MAGI2: variants seen among roughly 807,000 people sequenced by gnomAD.
The protein encoded by MAGI2 is membrane-associated guanylate kinase, WW and PDZ domain-containing protein 2.
A neutral mutation model predicts 133.3 loss-of-function variants in MAGI2; 35 were observed. The ratio of observed to expected loss-of-function variants is 0.26; its 90% CI spans 0.20 to 0.35. The LOEUF is 0.35. Ranked by LOEUF, MAGI2 falls within the 10% of genes least tolerant of loss-of-function variation. The pLI, the probability that MAGI2 is intolerant of heterozygous loss-of-function variation, is 1.00. For synonymous variants in MAGI2, 729 were observed against 710.6 expected (o/e 1.03, Z -0.41); for missense variants, 1,636 against 1,863.4 (o/e 0.88, Z 2.25).
chr7:78,645,008 C>A (rs186094164), intron 2 of MAGI2, among the ~76,000 whole-genome samples: 4 of 152,034 alleles, frequency 2.6e-5, no homozygotes, highest in Admixed American at 2.6e-4. Flanking sequence ...TATTTGACAA[C>A]TTAGATGAAA....
chr7:78,296,409 C>G (rs549849067), intron 9 of MAGI2, among the ~76,000 whole-genome samples: 1 of 152,260 alleles, frequency 6.6e-6, no homozygotes, highest in African/African-American at 2.4e-5. Flanking sequence ...TTTTAGGTCT[C>G]TGATCAAATG....
intron 7 of MAGI2, chr7:78,352,720 T>C (rs1348833783): frequency 1.3e-5 from 2 of 152,210 alleles, no homozygotes; most frequent in East Asian, 3.8e-4. Context: ...CAGCTGAGTC[T>C]GTCCTCTACT....
intron 2 of MAGI2, among the ~76,000 whole-genome samples, chr7:78,916,659 A>C (rs1009215459): frequency 1.3e-5 from 2 of 152,162 alleles, no homozygotes; most frequent in African/African-American, 4.8e-5. Flanking sequence ...AGGATGGAGT[A>C]AAGTCAAATG....
chr7:79,124,024 G>A (rs1820166979), intron 1 of MAGI2, among the ~76,000 whole-genome samples: 1 of 151,850 alleles, frequency 6.6e-6, no homozygotes, highest in Non-Finnish European at 1.5e-5. Context: ...AGAAGCAGTA[G>A]ATATGCTGCT....
At chr7:79,310,253 C>A (rs62458961) in intron 1 of MAGI2, among the ~76,000 whole-genome samples, 28 of 122,276 alleles carry the variant, frequency 2.3e-4, no homozygotes, top group Middle Eastern at 5.6e-3. Context: ...TTTTTGTGTA[C>A]AAAATTATCT....
At chr7:78,867,383 C>T (rs1163767002) in intron 2 of MAGI2, among the ~76,000 whole-genome samples, 3 of 150,652 alleles carry the variant, frequency 2.0e-5, no homozygotes, top group African/African-American at 7.3e-5. Flanking sequence ...AGTTCATGTC[C>T]TTTGTAGGGA....
intron 9 of MAGI2, among the ~76,000 whole-genome samples, chr7:78,256,824 T>C (rs577828611): frequency 1.3e-5 from 2 of 152,326 alleles, no homozygotes; most frequent in African/African-American, 4.8e-5. Context: ...AACAACTTCA[T>C]ATTCAGAAAC....
Position 79,122,384 on chromosome 7 carries a change from C to T in MAGI2, c.302-115178G>A, listed in dbSNP as rs541741460. Among the ~76,000 whole-genome samples the T allele has an allele frequency of 3.3e-5, 5 of 152,264 alleles. No individual in the cohort carries two copies. In the East Asian group the frequency reaches 5.8e-4, roughly 18 times the overall value. ...ATAACTATGACTATGCAGGACAAAA[C>T]TGTCTCGGGAAACACTGTCAACTCT... is the stretch of plus-strand genomic sequence containing the variant. On this transcript the variant is annotated intron_variant, in intron 1 of 21. Transcript: ENST00000354212.
intron 2 of MAGI2, among the ~76,000 whole-genome samples, chr7:78,787,035 C>T (rs553981499): frequency 7.9e-5 from 12 of 151,964 alleles, no homozygotes; most frequent in South Asian, 4.2e-4. Flanking sequence ...CTGCAACCTC[C>T]GACTCTGGTT....
intron 1 of MAGI2, among the ~76,000 whole-genome samples, chr7:79,423,187 T>C (rs1171837559): frequency 2.0e-5 from 3 of 150,762 alleles, no homozygotes; most frequent in Non-Finnish European, 4.4e-5. Flanking sequence ...AGTCAGTCTC[T>C]TTAGAAGTAT....
intron 2 of MAGI2, among the ~76,000 whole-genome samples, chr7:78,781,241 T>C (rs1161005727): frequency 4.6e-5 from 7 of 151,480 alleles, no homozygotes; most frequent in African/African-American, 1.2e-4. Context: ...TAGCCGGACA[T>C]GGTGGCGGGC....
chr7:78,762,533 A>G (rs1178933343), intron 2 of MAGI2, among the ~76,000 whole-genome samples: 1 of 152,156 alleles, frequency 6.6e-6, no homozygotes, highest in Non-Finnish European at 1.5e-5. Flanking sequence ...AATTTCAAAA[A>G]CTCACATTAC....
At chr7:78,204,622 G>T (rs1829562620) in intron 10 of MAGI2, among the ~76,000 whole-genome samples, 2 of 152,036 alleles carry the variant, frequency 1.3e-5, no homozygotes, top group African/African-American at 4.8e-5. Context: ...TTTTTATAAT[G>T]ATCTGACTCA....
At chr7:78,665,842 C>T (rs73380208) in intron 2 of MAGI2, among the ~76,000 whole-genome samples, 73 of 152,110 alleles carry the variant, frequency 4.8e-4, no homozygotes, top group African/African-American at 1.2e-3. Flanking sequence ...ATGCCAGGCA[C>T]GTCTCTAAAT....
intron 7 of MAGI2, among the ~76,000 whole-genome samples, chr7:78,351,452 G>A (rs547167536): frequency 6.6e-6 from 1 of 151,926 alleles, no homozygotes; most frequent in African/African-American, 2.4e-5. Flanking sequence ...GGGATGAAAT[G>A]TGGGAGCATT....
intron 20 of MAGI2, among the ~76,000 whole-genome samples, chr7:78,115,044 C>T (rs1198780284): frequency 2.0e-5 from 3 of 152,178 alleles, no homozygotes; most frequent in Non-Finnish European, 2.9e-5. Context: ...CTAACCTTAC[C>T]ATTGCTGAAT....
intron 1 of MAGI2, among the ~76,000 whole-genome samples, chr7:79,101,640 C>T (rs996054194): frequency 2.8e-5 from 4 of 143,530 alleles, no homozygotes; most frequent in African/African-American, 5.1e-5. Flanking sequence ...AGGAGAATGG[C>T]GGGAACCCGG....
intron 1 of MAGI2, among the ~76,000 whole-genome samples, chr7:79,092,950 C>T (rs972804197): frequency 2.6e-5 from 4 of 152,080 alleles, no homozygotes; most frequent in African/African-American, 9.7e-5. Flanking sequence ...AAAACTTTCA[C>T]AGTTGACTTC....
chr7:78,967,887 G>A (rs1486028042), intron 2 of MAGI2, among the ~76,000 whole-genome samples: 1 of 152,086 alleles, frequency 6.6e-6, no homozygotes, highest in African/African-American at 2.4e-5. Flanking sequence ...CTGGAATGCA[G>A]TGGTGCAATC....
Sources: gnomAD v4.1 joint callset for allele counts (sites outside exome capture counted in the v4.1 genomes callset) on GRCh38, gnomAD v4.1.1 for gene constraint, MANE v1.5 for transcripts, NCBI Gene and HGNC (gene_info 2026-07-23, HGNC 2026-07-21) for gene names.